Variants in KIF16B observed in about 807,000 individuals in gnomAD.
KIF16B encodes kinesin family member 16B, also known as kinesin-like protein KIF16B.
A neutral mutation model predicts 156.3 loss-of-function variants in KIF16B; 98 were observed. The ratio of observed to expected loss-of-function variants is 0.63; its 90% CI spans 0.53 to 0.74. KIF16B has a LOEUF of 0.74. Ranked by LOEUF, KIF16B falls within the 30% of genes least tolerant of loss-of-function variation. KIF16B has a pLI of 0.00. For missense variants in KIF16B, 1,421 were observed against 1,606.5 expected (o/e 0.88, Z 1.97); for synonymous variants, 564 against 583.7 (o/e 0.97, Z 0.49).
chr20:16,379,632 C>T lies in KIF16B; in HGVS notation c.2370G>A (p.Glu790=), dbSNP rs1348372837. The T allele has an allele frequency of 3.7e-6, 6 of 1,614,150 alleles. No homozygotes were observed. The highest frequency in any genetic ancestry group is 5.1e-6 in the Non-Finnish European group (6 of 1,180,030). Residue 790 remains glutamate (E), a synonymous_variant, in exon 19 of 26, where the codon GAG becomes GAA. Transcript: ENST00000354981. ...RRGEVQWVEE[E]KRDLEGIRES... ...CCCGAATGCCTTCCAGGTCCCTCTT[C>T]TCCTCTTCCACCCACTGTACCTCCC...
chr20:16,533,712 A>G (rs926539106), intron 1 of KIF16B, among the ~76,000 whole-genome samples: 2 of 152,146 alleles, frequency 1.3e-5, no homozygotes, highest in African/African-American at 4.8e-5. Flanking sequence ...ATGTCATGAC[A>G]CTCAGGTTCC....
At position 16,370,649 on chromosome 20, in the gene KIF16B, G is replaced by C; in HGVS notation, c.3448-13C>G. Reference sequence around the variant, plus strand: ...GTTTCTCATTATCCTGAAAAGAAAAGAAAAAGCCCTCTATATTAAATTATA... The same window carrying C: ...GTTTCTCATTATCCTGAAAAGAAAACAAAAAGCCCTCTATATTAAATTATA... On this transcript the variant is annotated splice_polypyrimidine_tract_variant and intron_variant, in intron 21 of 25. Transcript: ENST00000354981. 6.3e-7 allele frequency: 1 copy of C among 1,577,854 alleles called. No individual in the cohort carries two copies. Among genetic ancestry groups the C allele is most frequent in the Non-Finnish European group, 8.6e-7 (1 of 1,168,678 alleles).
At chr20:16,314,861 C>A (rs1002017815) in intron 24 of KIF16B, among the ~76,000 whole-genome samples, 2 of 152,092 alleles carry the variant, frequency 1.3e-5, no homozygotes, top group Non-Finnish European at 2.9e-5. Flanking sequence ...ACACACTCCC[C>A]CCATGTTGCA....
intron 25 of KIF16B, among the ~76,000 whole-genome samples, chr20:16,311,459 G>T (rs974749013): frequency 3.3e-5 from 5 of 152,230 alleles, no homozygotes; most frequent in South Asian, 2.1e-4. Context: ...CTGAACTCCA[G>T]CCTGGGCAAC....
At chr20:16,291,314 TG>T (rs1213347460) in intron 25 of KIF16B, among the ~76,000 whole-genome samples, 3 of 152,250 alleles carry the variant, frequency 2.0e-5, no homozygotes, top group Non-Finnish European at 1.5e-5. Context: ...AAAAGTATCC[TG>T]GTCATCTCGT....
intron 25 of KIF16B, among the ~76,000 whole-genome samples, chr20:16,295,746 C>T (rs2063376670): frequency 6.6e-6 from 1 of 152,110 alleles, no homozygotes; most frequent in Admixed American, 6.5e-5. Context: ...TATTTACACA[C>T]AGGACGAGGA....
At chr20:16,337,748 G>A (rs1246989364) in intron 23 of KIF16B, among the ~76,000 whole-genome samples, 1 of 152,156 alleles carries the variant, frequency 6.6e-6, no homozygotes, top group Non-Finnish European at 1.5e-5. Flanking sequence ...AATCAGTGAG[G>A]ATGTGGGGGC....
chr20:16,311,291 C>G (rs1310843587), intron 25 of KIF16B, among the ~76,000 whole-genome samples: 1 of 152,124 alleles, frequency 6.6e-6, no homozygotes, highest in Non-Finnish European at 1.5e-5. Context: ...GAGCTCGAGA[C>G]CAGCTTGGCC....
At chr20:16,361,436 G>T (rs1016322941) in intron 22 of KIF16B, among the ~76,000 whole-genome samples, 4 of 152,188 alleles carry the variant, frequency 2.6e-5, no homozygotes, top group Non-Finnish European at 5.9e-5. Context: ...CAGTAGAGAA[G>T]CCTGCCTTTG....
At chr20:16,494,906 C>G (rs1288296160) in intron 11 of KIF16B, among the ~76,000 whole-genome samples, 1 of 152,116 alleles carries the variant, frequency 6.6e-6, no homozygotes, top group Non-Finnish European at 1.5e-5. Context: ...AAGCAAAAAT[C>G]TTTTGACAAA....
At chr20:16,366,348 A>C (rs2064666219) in intron 22 of KIF16B, among the ~76,000 whole-genome samples, 2 of 152,166 alleles carry the variant, frequency 1.3e-5, no homozygotes, top group African/African-American at 2.4e-5. Flanking sequence ...TATATTTGAC[A>C]AGACAGCAGA....
At chr20:16,553,804 C>T (rs895265376) in intron 1 of KIF16B, among the ~76,000 whole-genome samples, 2 of 150,764 alleles carry the variant, frequency 1.3e-5, no homozygotes, top group Non-Finnish European at 1.5e-5. Context: ...GGGCTGCATG[C>T]TCCACAGAGC....
intron 3 of KIF16B, among the ~76,000 whole-genome samples, chr20:16,522,619 A>C (rs1440871749): frequency 6.6e-6 from 1 of 152,206 alleles, no homozygotes; most frequent in Non-Finnish European, 1.5e-5. Flanking sequence ...AACGTGACAG[A>C]AAATTAACAA....
At chr20:16,522,449 T>G (rs1281674206) in intron 3 of KIF16B, among the ~76,000 whole-genome samples, 2 of 152,108 alleles carry the variant, frequency 1.3e-5, no homozygotes, top group African/African-American at 4.8e-5. Flanking sequence ...TTAAAGGGAT[T>G]AATGCAACAA....
At chr20:16,486,770 A>G (rs1373032405) in intron 12 of KIF16B, among the ~76,000 whole-genome samples, 1 of 152,144 alleles carries the variant, frequency 6.6e-6, no homozygotes, top group African/African-American at 2.4e-5. Flanking sequence ...ACTATAAACA[A>G]TATGTGTGAT....
rs73901105 is a variant in KIF16B, at chr20:16,532,297, T to G, written c.48-3857A>C. ...GGGAAACCAGCTAAGGGGTAACATCTTGGCCAGCTCAGACGAACAGAGACA... is the reference window on the plus strand; with the variant it reads ...GGGAAACCAGCTAAGGGGTAACATCGTGGCCAGCTCAGACGAACAGAGACA... On this transcript the variant is annotated intron_variant, in intron 1 of 25. Coordinates refer to ENST00000354981, the MANE Select transcript of KIF16B (RefSeq NM_024704.5). 4.6e-3 allele frequency among the ~76,000 whole-genome samples: 701 copies of G among 152,272 alleles called. 4 individuals carry two copies. Among genetic ancestry groups the G allele is most frequent in the African/African-American group, 0.012 (508 of 41,550 alleles).
chr20:16,360,970 A>T (rs1194035435), intron 22 of KIF16B, among the ~76,000 whole-genome samples: 1 of 152,140 alleles, frequency 6.6e-6, no homozygotes, highest in Admixed American at 6.5e-5. Context: ...TTGTCCCTAA[A>T]CATTCTAATT....
chr20:16,380,783 G>A (rs6135742), intron 18 of KIF16B, among the ~76,000 whole-genome samples: 2 of 152,196 alleles, frequency 1.3e-5, no homozygotes, highest in African/African-American at 4.8e-5. Context: ...TAATTTTGCA[G>A]GCTGGTGGGG....
At chr20:16,312,956 G>A (rs1024823737) in intron 24 of KIF16B, among the ~76,000 whole-genome samples, 1 of 151,784 alleles carries the variant, frequency 6.6e-6, no homozygotes, top group Non-Finnish European at 1.5e-5. Context: ...GTGAAAAGAG[G>A]ACTTCTCTTT....
Sources: allele counts gnomAD v4.1 joint callset (sites outside exome capture counted in the v4.1 genomes callset), GRCh38; gene constraint gnomAD v4.1.1; transcripts MANE v1.5; gene names NCBI Gene and HGNC (gene_info 2026-07-23, HGNC 2026-07-21).